MAGI1: variants seen among roughly 807,000 people sequenced by gnomAD.
MAGI1 encodes membrane associated guanylate kinase, WW and PDZ domain containing 1, also known as membrane-associated guanylate kinase, WW and PDZ domain-containing protein 1.
A neutral mutation model predicts 139.9 loss-of-function variants in MAGI1; 58 were observed. The ratio of observed to expected loss-of-function variants is 0.41; its 90% CI spans 0.34 to 0.52. MAGI1 has a LOEUF of 0.52. MAGI1 is among the 20% of genes least tolerant of loss of function. The pLI is 0.12. For missense variants in MAGI1, 1,874 were observed against 1,901.6 expected (o/e 0.99, Z 0.27); for synonymous variants, 812 against 737.9 (o/e 1.10, Z -1.63).
At chr3:65,440,077 G>A in intron 8 of MAGI1, 65 bp from the exon 9 acceptor site, 3 of 1,574,546 alleles carry the variant, frequency 1.9e-6, no homozygotes, top group Non-Finnish European at 2.6e-6. Context: ...ATGCCAATCA[G>A]ACCAAGTCCC....
intron 8 of MAGI1, among the ~76,000 whole-genome samples, chr3:65,441,683 G>T (rs1948341068): frequency 6.6e-6 from 1 of 152,118 alleles, no homozygotes; most frequent in African/African-American, 2.4e-5. Context: ...TGATCTTTGG[G>T]GCACACAAAA....
chr3:66,017,165 T>C (rs1403134586), intron 1 of MAGI1, among the ~76,000 whole-genome samples: 1 of 152,220 alleles, frequency 6.6e-6, no homozygotes, highest in Non-Finnish European at 1.5e-5. Context: ...TGTTTAAGTC[T>C]CATAGAACCT....
At chr3:65,840,449 T>C (rs922791006) in intron 1 of MAGI1, among the ~76,000 whole-genome samples, 1 of 152,216 alleles carries the variant, frequency 6.6e-6, no homozygotes, top group African/African-American at 2.4e-5. Flanking sequence ...ATTCATACTT[T>C]CCTGAGAGAT....
chr3:65,359,468 G>A (rs1940565417), intron 22 of MAGI1: 2 of 1,110,828 alleles, frequency 1.8e-6, no homozygotes, highest in African/African-American at 1.6e-5. Flanking sequence ...ATGACAGGCT[G>A]GCATAGGAGA....
intron 15 of MAGI1, among the ~76,000 whole-genome samples, chr3:65,382,517 T>C (rs1943130644): frequency 6.6e-6 from 1 of 152,212 alleles, no homozygotes; most frequent in Admixed American, 6.5e-5. Context: ...CAAAAGTTGG[T>C]TGGACATCTC....
chr3:65,463,570 G>GTGTT (rs1216317891), intron 5 of MAGI1, among the ~76,000 whole-genome samples: 2 of 123,086 alleles, frequency 1.6e-5, no homozygotes, highest in Non-Finnish European at 4.0e-5. Context: ...GTGTGTGTGT[G>GTGTT]TGTGTGTGTG....
chr3:65,588,765 C>A (rs759413381), intron 2 of MAGI1, among the ~76,000 whole-genome samples: 1 of 152,118 alleles, frequency 6.6e-6, no homozygotes, highest in Non-Finnish European at 1.5e-5. Context: ...CCCTTGGTAC[C>A]TTGCAGAGTG....
intron 1 of MAGI1, among the ~76,000 whole-genome samples, chr3:65,641,291 T>C (rs1350663792): frequency 6.6e-6 from 1 of 152,182 alleles, no homozygotes; most frequent in Non-Finnish European, 1.5e-5. Flanking sequence ...GGCAACCGAA[T>C]GTTGTTACCT....
At chr3:65,914,747 T>C (rs2061821075) in intron 1 of MAGI1, among the ~76,000 whole-genome samples, 1 of 152,174 alleles carries the variant, frequency 6.6e-6, no homozygotes, top group South Asian at 2.1e-4. Context: ...GCCAAACAAA[T>C]TTGCTTATGG....
chr3:65,563,821 G>T (rs1189116751), intron 2 of MAGI1, among the ~76,000 whole-genome samples: 1 of 152,148 alleles, frequency 6.6e-6, no homozygotes, highest in Non-Finnish European at 1.5e-5. Context: ...GACAAATATT[G>T]CTGGCAATTG....
At chr3:65,752,123 A>AT (rs1234328416) in intron 1 of MAGI1, among the ~76,000 whole-genome samples, 1 of 151,862 alleles carries the variant, frequency 6.6e-6, no homozygotes, top group East Asian at 1.9e-4. Flanking sequence ...TTTTTTTTGT[A>AT]TTTTTTGTAC....
intron 1 of MAGI1, among the ~76,000 whole-genome samples, chr3:65,897,452 A>T (rs1023792006): frequency 2.1e-5 from 3 of 145,520 alleles, no homozygotes; most frequent in African/African-American, 7.7e-5. Flanking sequence ...GGAACATCAC[A>T]CCCTGGGGCC....
In MAGI1 at chr3:65,634,234, T is replaced by C. The variant is rs1304994525; in HGVS notation, c.314-12146A>G. ...AGAGAGGTCTAGGAAATGTTCACAATCAGAATGATAATAAAGACAAACCAG... is the reference window on the plus strand; with the variant it reads ...AGAGAGGTCTAGGAAATGTTCACAACCAGAATGATAATAAAGACAAACCAG... On this transcript the variant is annotated intron_variant, in intron 1 of 22. Transcript: ENST00000402939. 2.0e-5 allele frequency among the ~76,000 whole-genome samples: 3 copies of C among 152,088 alleles called. No homozygotes were observed. In the East Asian group the frequency reaches 5.8e-4, roughly 29 times the overall value.
intron 14 of MAGI1, among the ~76,000 whole-genome samples, chr3:65,384,724 C>A (rs1352685901): frequency 2.6e-5 from 4 of 151,942 alleles, no homozygotes; most frequent in Non-Finnish European, 5.9e-5. Context: ...CAGAGTAAGA[C>A]CCTGTCTCAA....
chr3:65,432,430 A>G (rs550838400), intron 10 of MAGI1, among the ~76,000 whole-genome samples: 1 of 152,304 alleles, frequency 6.6e-6, no homozygotes, highest in South Asian at 2.1e-4. Flanking sequence ...TATCTAAAAG[A>G]GTTTAAAAGG....
At chr3:65,595,196 T>A (rs2082134180) in intron 2 of MAGI1, among the ~76,000 whole-genome samples, 1 of 152,196 alleles carries the variant, frequency 6.6e-6, no homozygotes, top group Non-Finnish European at 1.5e-5. Flanking sequence ...GGCTGCCTCA[T>A]CAGAAGCCTT....
chr3:65,509,365 G>A (rs944970961), intron 2 of MAGI1, among the ~76,000 whole-genome samples: 3 of 152,142 alleles, frequency 2.0e-5, no homozygotes, highest in Non-Finnish European at 4.4e-5. Flanking sequence ...GCAGAAGACG[G>A]GTGATTTCTG....
At chr3:65,729,681 C>T (rs1233892078) in intron 1 of MAGI1, among the ~76,000 whole-genome samples, 2 of 152,156 alleles carry the variant, frequency 1.3e-5, no homozygotes, top group Admixed American at 6.5e-5. Flanking sequence ...TGAAGCTCCC[C>T]ATCGCTAATG....
intron 17 of MAGI1, among the ~76,000 whole-genome samples, chr3:65,378,625 A>T (rs1256289037): frequency 6.6e-6 from 1 of 151,674 alleles, no homozygotes; most frequent in African/African-American, 2.4e-5. Context: ...CAAAAACTGT[A>T]GACTCTGTAT....
Sources: gnomAD v4.1 joint callset for allele counts (sites outside exome capture counted in the v4.1 genomes callset) on GRCh38, gnomAD v4.1.1 for gene constraint, MANE v1.5 for transcripts, NCBI Gene and HGNC (gene_info 2026-07-23, HGNC 2026-07-21) for gene names.